MSRA: variants seen among roughly 807,000 people sequenced by gnomAD.
The protein encoded by MSRA is methionine sulfoxide reductase A, also known as mitochondrial peptide methionine sulfoxide reductase.
Under a neutral mutation model 31.3 loss-of-function variants are expected in MSRA, and 54 were observed. That is an observed-to-expected ratio of 1.73 (90% CI 1.39 to 2.17). The LOEUF (loss-of-function observed/expected upper bound fraction) is 2.17, where lower values mean the gene tolerates loss of function less well. Ranked by LOEUF, MSRA falls within the 30% of genes most tolerant of loss-of-function variation. The probability of loss-of-function intolerance (pLI) is 0.00; values close to 1 mark genes in which losing one functional copy is unlikely to be tolerated. For synonymous variants in MSRA, 169 were observed against 116.5 expected, an observed-to-expected ratio of 1.45 and a Z score of -2.90; for missense variants, 507 against 300.9, an observed-to-expected ratio of 1.69 and a Z score of -5.07.
At chr8:10,086,530 G>A (rs1798565286) in intron 1 of MSRA, among the ~76,000 whole-genome samples, 1 of 152,076 alleles carries the variant, frequency 6.6e-6, no homozygotes, top group Admixed American at 6.6e-5. Flanking sequence ...CTGATGGTCT[G>A]GACAAGTCAC....
intron 5 of MSRA, among the ~76,000 whole-genome samples, chr8:10,349,907 A>G (rs1021841796): frequency 6.6e-6 from 1 of 151,840 alleles, no homozygotes; most frequent in African/African-American, 2.4e-5. Context: ...TTCCCCTGTC[A>G]CCCCCTTTTG....
chr8:10,274,896 C>T (rs1047470691), intron 3 of MSRA, among the ~76,000 whole-genome samples: 3 of 152,214 alleles, frequency 2.0e-5, no homozygotes, highest in Non-Finnish European at 4.4e-5. Flanking sequence ...TCTATCCGTC[C>T]ATCCAACCAT....
At position 10,054,674 on chromosome 8, in the gene MSRA, A is replaced by ACGGAAGGCGCGGGCGG. The variant is rs751214725; in HGVS notation, c.142+19_142+34dup. ...CCTGTAGCGGGTAAGCACTGGCCAC[A>ACGGAAGGCGCGGGCGG]CGGAAGGCGCGGGCGGCGACGCTGC... On this transcript the variant is annotated intron_variant, in intron 1 of 5. Coordinates refer to ENST00000317173, the MANE Select transcript of MSRA (RefSeq NM_012331.5). 1.3e-6 allele frequency: 2 copies of ACGGAAGGCGCGGGCGG among 1,497,114 alleles called. No individual in the cohort carries two copies. The highest frequency in any genetic ancestry group is 9.0e-7 in the Non-Finnish European group (1 of 1,116,282). 92.7% of individuals were successfully genotyped at this position (1,497,114 alleles called of 1,614,324 possible).
At chr8:10,110,901 G>A (rs1279758714) in intron 1 of MSRA, among the ~76,000 whole-genome samples, 1 of 152,126 alleles carries the variant, frequency 6.6e-6, no homozygotes, top group Non-Finnish European at 1.5e-5. Flanking sequence ...GACAGGACAT[G>A]GTTCAGTTAC....
chr8:10,376,885 A>G (rs779665694), intron 5 of MSRA, among the ~76,000 whole-genome samples: 3 of 152,234 alleles, frequency 2.0e-5, no homozygotes, highest in Non-Finnish European at 4.4e-5. Context: ...TCTTTACTGT[A>G]TCATTGCACT....
intron 1 of MSRA, among the ~76,000 whole-genome samples, chr8:10,196,446 G>C (rs1585143082): frequency 6.6e-6 from 1 of 152,290 alleles, no homozygotes; most frequent in South Asian, 2.1e-4. Flanking sequence ...AACCAGCATG[G>C]ACAGATGCTG....
chr8:10,407,566 C>T (rs964468016), intron 5 of MSRA, among the ~76,000 whole-genome samples: 1 of 152,058 alleles, frequency 6.6e-6, no homozygotes, highest in Non-Finnish European at 1.5e-5. Context: ...ATGCCGTGTG[C>T]CAAGAGAGGG....
At chr8:10,386,872 T>TAAAAA (rs61367767) in intron 5 of MSRA, among the ~76,000 whole-genome samples, 1 of 132,966 alleles carries the variant, frequency 7.5e-6, no homozygotes, top group Non-Finnish European at 1.6e-5. Flanking sequence ...GTGGATTATT[T>TAAAAA]AAAAAAAAAA....
At chr8:10,292,848 C>T (rs1352637474) in intron 3 of MSRA, among the ~76,000 whole-genome samples, 3 of 152,048 alleles carry the variant, frequency 2.0e-5, no homozygotes, top group East Asian at 1.9e-4. Context: ...ACAGCAGGAG[C>T]CGGTGGTGGG....
intron 1 of MSRA, among the ~76,000 whole-genome samples, chr8:10,099,367 T>C (rs1799387487): frequency 1.3e-5 from 2 of 152,192 alleles, no homozygotes; most frequent in Admixed American, 1.3e-4. Flanking sequence ...GAGGACTTGC[T>C]CTGTGCCAGG....
At chr8:10,123,750 G>A (rs1482943741) in intron 1 of MSRA, among the ~76,000 whole-genome samples, 1 of 152,118 alleles carries the variant, frequency 6.6e-6, no homozygotes, top group Non-Finnish European at 1.5e-5. Context: ...TTATGGAATA[G>A]GGAGTCCTTT....
intron 4 of MSRA, among the ~76,000 whole-genome samples, chr8:10,314,635 A>C (rs562179549): frequency 6.6e-6 from 1 of 152,254 alleles, no homozygotes; most frequent in African/African-American, 2.4e-5. Flanking sequence ...CTATACAGCA[A>C]CAATTCTATT....
intron 5 of MSRA, among the ~76,000 whole-genome samples, chr8:10,405,795 A>G (rs949856679): frequency 5.3e-5 from 8 of 151,804 alleles, no homozygotes; most frequent in Non-Finnish European, 1.0e-4. Flanking sequence ...ATGTAATCAC[A>G]TACACACATG....
chr8:10,072,980 G>C (rs535602402), intron 1 of MSRA, among the ~76,000 whole-genome samples: 104 of 152,240 alleles, frequency 6.8e-4, no homozygotes, highest in African/African-American at 2.0e-3. Flanking sequence ...ACTCACTTTA[G>C]TAGAAGTTTT....
Position 10,165,347 on chromosome 8 carries a change from AAAACAAACAAAC to A in MSRA, c.143-42466_143-42455del, listed in dbSNP as rs142564475. Among the ~76,000 whole-genome samples, 199 of 152,112 alleles carry A rather than the reference AAAACAAACAAAC, an allele frequency of 1.3e-3. 1 individual carries two copies. The highest frequency in any genetic ancestry group is 4.3e-3 in the African/African-American group (178 of 41,418). ...TTAAGTGCTTCTATTCTTTTTTTAA[AAAACAAACAAAC>A]AAACAAACAAACAAACAAAAAACTG... On this transcript the variant is annotated intron_variant, in intron 1 of 5. Transcript: ENST00000317173.
chr8:10,187,398 C>G (rs754964832), intron 1 of MSRA, among the ~76,000 whole-genome samples: 1 of 152,148 alleles, frequency 6.6e-6, no homozygotes, highest in African/African-American at 2.4e-5. Context: ...TGATTTACAC[C>G]GGTACCCAAG....
At chr8:10,335,423 C>T (rs183904348) in intron 5 of MSRA, among the ~76,000 whole-genome samples, 17 of 152,196 alleles carry the variant, frequency 1.1e-4, no homozygotes, top group Admixed American at 2.0e-4. Flanking sequence ...TCCATTGCGA[C>T]GTCTACTCCC....
intron 5 of MSRA, among the ~76,000 whole-genome samples, chr8:10,353,428 A>T (rs1337406258): frequency 6.6e-6 from 1 of 152,082 alleles, no homozygotes; most frequent in Non-Finnish European, 1.5e-5. Context: ...AGGGTCTGGG[A>T]GTCTCCTTGG....
chr8:10,178,622 A>G (rs1806273354), intron 1 of MSRA, among the ~76,000 whole-genome samples: 2 of 152,226 alleles, frequency 1.3e-5, no homozygotes, highest in African/African-American at 2.4e-5. Flanking sequence ...GACTGAAAGC[A>G]TAGATTGACT....
Sources: allele counts gnomAD v4.1 joint callset (sites outside exome capture counted in the v4.1 genomes callset), GRCh38; gene constraint gnomAD v4.1.1; transcripts MANE v1.5; gene names NCBI Gene and HGNC (gene_info 2026-07-23, HGNC 2026-07-21).